SLC4A7: variants seen among roughly 807,000 people sequenced by gnomAD.
SLC4A7 encodes the protein sodium bicarbonate cotransporter 3.
SLC4A7 carries 51 observed loss-of-function variants against 137.6 expected under a neutral mutation model. That is an observed-to-expected ratio of 0.37 (90% confidence interval 0.30 to 0.47). The LOEUF (loss-of-function observed/expected upper bound fraction) is 0.47, where lower values mean the gene tolerates loss of function less well. Among genes scored for constraint, SLC4A7 ranks in the 20% least tolerant of loss-of-function variants. SLC4A7 has a pLI of 1.00. For synonymous variants in SLC4A7, 542 were observed against 518.6 expected (o/e 1.05, Z -0.61); for missense variants, 1,247 against 1,525.4 (o/e 0.82, Z 3.04).
chr3:27,443,002 C>A (rs573184024), intron 3 of SLC4A7, among the ~76,000 whole-genome samples: 3 of 150,806 alleles, frequency 2.0e-5, no homozygotes, highest in South Asian at 4.2e-4. Context: ...CATTAGCCAC[C>A]GCGCTGGGCA....
rs1333244361 is a variant in SLC4A7, at chr3:27,391,755, T to C, written c.3171A>G (p.Ser1057=). The stretch of plus-strand genomic sequence containing the variant: ...TAAAACTTGCCTGGATTCCTTTTAA[T>C]GAGGAAACTCCCATATAAAGGAAAA... The part of the protein sequence containing the change: ...YGVFLYMGVS[S]LKGIQLFDRI... The change falls in exon 21 of 26, where the codon TCA becomes TCG. Residue 1057 remains serine, a synonymous_variant. Transcript: ENST00000454389. 4 of 1,584,342 alleles carry C rather than the reference T, an allele frequency of 2.5e-6. No homozygotes were observed. Among genetic ancestry groups the C allele is most frequent in the Non-Finnish European group, 2.6e-6 (3 of 1,159,192 alleles).
At chr3:27,418,269 A>G (rs2054588996) in intron 11 of SLC4A7, among the ~76,000 whole-genome samples, 1 of 152,194 alleles carries the variant, frequency 6.6e-6, no homozygotes, top group East Asian at 1.9e-4. Flanking sequence ...AAACAAGACT[A>G]CATGTTCATA....
chr3:27,452,620 A>T, intron 1 of SLC4A7, 122 bp from the exon 2 acceptor site: 1 of 492,830 alleles, frequency 2.0e-6, no homozygotes, highest in Middle Eastern at 3.2e-4. Flanking sequence ...AACTGAACTC[A>T]TTACAGCTAA....
At chr3:27,472,940 C>T (rs1004019172) in intron 1 of SLC4A7, among the ~76,000 whole-genome samples, 28 of 152,064 alleles carry the variant, frequency 1.8e-4, no homozygotes, top group Non-Finnish European at 2.1e-4. Flanking sequence ...ATAAGCTGGG[C>T]GTGGTAGCGC....
At chr3:27,470,001 T>C (rs1337298521) in intron 1 of SLC4A7, among the ~76,000 whole-genome samples, 1 of 152,226 alleles carries the variant, frequency 6.6e-6, no homozygotes, top group African/African-American at 2.4e-5. Flanking sequence ...TAACCATGTA[T>C]TGGCATACAT....
intron 1 of SLC4A7, among the ~76,000 whole-genome samples, chr3:27,480,950 CT>C (rs1260446223): frequency 6.6e-6 from 1 of 152,134 alleles, no homozygotes; most frequent in Non-Finnish European, 1.5e-5. Flanking sequence ...TCCCCATTAC[CT>C]GGCACCTATA....
intron 1 of SLC4A7, among the ~76,000 whole-genome samples, chr3:27,473,705 CAAAAAAAAAAAA>C (rs747183440): frequency 3.4e-5 from 2 of 59,464 alleles, no homozygotes; most frequent in African/African-American, 1.5e-4. Context: ...GACCTCATGT[CAAAAAAAAAAAA>C]AAAAAAAAAA....
chr3:27,393,295 A>G (rs1311581509), intron 20 of SLC4A7, among the ~76,000 whole-genome samples: 1 of 152,212 alleles, frequency 6.6e-6, no homozygotes, highest in Non-Finnish European at 1.5e-5. Context: ...TACAAAAACC[A>G]AATAGATTTC....
chr3:27,461,031 A>C (rs2058668469), intron 1 of SLC4A7, among the ~76,000 whole-genome samples: 1 of 152,248 alleles, frequency 6.6e-6, no homozygotes, highest in Admixed American at 6.5e-5. Context: ...AAACATACTA[A>C]AGTGTAAAAC....
chr3:27,429,127 GTGGTGGTGCATGCC>G (rs923187216), intron 7 of SLC4A7, among the ~76,000 whole-genome samples: 6 of 151,832 alleles, frequency 4.0e-5, no homozygotes, highest in African/African-American at 1.5e-4. Context: ...TTAGCCAGGC[GTGGTGGTGCATGCC>G]TGTAGTCCCA....
chr3:27,445,949 AAAAAAAAAAAAAAAATATAT>A (rs1347261444), intron 3 of SLC4A7, among the ~76,000 whole-genome samples: 22 of 47,416 alleles, frequency 4.6e-4, no homozygotes, highest in Non-Finnish European at 6.6e-4. Context: ...AAAAAAAAAA[AAAAAAAAAAAAAAAATATAT>A]ATATATATAT....
chr3:27,456,377 T>C (rs921823561), intron 1 of SLC4A7, among the ~76,000 whole-genome samples: 1 of 152,230 alleles, frequency 6.6e-6, no homozygotes, highest in South Asian at 2.1e-4. Flanking sequence ...GTGATTTCTT[T>C]CCTAATATCT....
chr3:27,425,744 G>A (rs947257233), intron 7 of SLC4A7, among the ~76,000 whole-genome samples: 2 of 148,818 alleles, frequency 1.3e-5, no homozygotes, highest in African/African-American at 2.5e-5. Context: ...TCTACTACTA[G>A]GTTGGTGCAA....
rs2058141784 is a variant in SLC4A7, at chr3:27,452,518, A to T, written c.61-20T>A. 2 of 1,556,002 alleles carry T rather than the reference A, an allele frequency of 1.3e-6. No individual in the cohort carries two copies. The highest frequency in any genetic ancestry group is 1.8e-6 in the Non-Finnish European group (2 of 1,141,912). On this transcript the variant is annotated intron_variant, in intron 1 of 25. Coordinates refer to ENST00000454389, the MANE Select transcript of SLC4A7 (RefSeq NM_001321103.2). The stretch of plus-strand genomic sequence containing the variant: ...AGGACCCTAAAAACAAATTATTCTC[A>T]TTGACTCATGAGATCACAATCTATT...
intron 3 of SLC4A7, among the ~76,000 whole-genome samples, chr3:27,439,010 T>C (rs978503571): frequency 6.6e-6 from 1 of 152,186 alleles, no homozygotes; most frequent in East Asian, 1.9e-4. Flanking sequence ...TCCAGGACAG[T>C]TGAAAGCCCT....
chr3:27,484,321 T>A lies in SLC4A7; in HGVS notation c.-195A>T. The A allele has an allele frequency of 2.8e-6, 1 of 361,580 alleles. No homozygotes were observed. The highest frequency in any genetic ancestry group is 4.8e-6 in the Non-Finnish European group (1 of 206,282). The allele number at this position is 361,580 out of a possible 1,614,324, so 22.4% of individuals were successfully genotyped here. A position where few individuals can be genotyped will look rare whatever the true frequency, so the allele number is the denominator to read the frequency against. ...AGACGCGGGGCGTGCGTGTGCGCGC[T>A]GCGACTGCTGGGCTGGCTTTAGTAG... On this transcript the variant is annotated 5_prime_UTR_variant, in exon 1 of 26. Transcript: ENST00000454389.
intron 11 of SLC4A7, among the ~76,000 whole-genome samples, chr3:27,413,112 G>C (rs1213956136): frequency 6.6e-6 from 1 of 152,094 alleles, no homozygotes; most frequent in Non-Finnish European, 1.5e-5. Flanking sequence ...TAATTTCATA[G>C]TGAGCACATT....
At chr3:27,481,012 G>A (rs893815884) in intron 1 of SLC4A7, among the ~76,000 whole-genome samples, 1 of 152,088 alleles carries the variant, frequency 6.6e-6, no homozygotes, top group African/African-American at 2.4e-5. Flanking sequence ...CAAAATCATG[G>A]AAAAATATCA....
intron 1 of SLC4A7, among the ~76,000 whole-genome samples, chr3:27,463,030 T>C (rs1394012356): frequency 6.6e-6 from 1 of 152,260 alleles, no homozygotes; most frequent in Admixed American, 6.5e-5. Flanking sequence ...GGCTCACGCC[T>C]GTAATCCCAG....
Sources: allele counts gnomAD v4.1 joint callset (sites outside exome capture counted in the v4.1 genomes callset), GRCh38; gene constraint gnomAD v4.1.1; transcripts MANE v1.5; gene names NCBI Gene and HGNC (gene_info 2026-07-23, HGNC 2026-07-21).